The following IARS1 variants were observed in gnomAD, a reference collection of about 807,000 sequenced individuals.
The protein encoded by IARS1 is isoleucyl-tRNA synthetase 1.
Under a neutral mutation model 168.2 loss-of-function variants are expected in IARS1, and 124 were observed. The observed-to-expected ratio is 0.74, with a 90% CI of 0.64 to 0.86. The LOEUF is 0.86. Ranked by LOEUF, IARS1 falls within the 40% of genes least tolerant of loss-of-function variation. The probability of loss-of-function intolerance (pLI) is 0.00; values close to 1 mark genes in which losing one functional copy is unlikely to be tolerated. For synonymous variants in IARS1, 532 were observed against 529.4 expected (o/e 1.00, Z -0.07); for missense variants, 1,452 against 1,515.8 (o/e 0.96, Z 0.70).
intron 33 of IARS1, among the ~76,000 whole-genome samples, chr9:92,215,993 A>C (rs1587685308): frequency 6.6e-6 from 1 of 150,982 alleles, no homozygotes. Flanking sequence ...AGTTGAAATG[A>C]AGGAAAAAAT....
chr9:92,292,891 TACTGTATTAGTGGTTCC>T (rs1368563158), intron 1 of IARS1, among the ~76,000 whole-genome samples: 1 of 152,258 alleles, frequency 6.6e-6, no homozygotes, highest in African/African-American at 2.4e-5. Flanking sequence ...CCTTTTAAAC[TACTGTATTAGTGGTTCC>T]AATATTCTTC....
chr9:92,293,437 C>G (rs1298786452), intron 1 of IARS1, 174 bp downstream of exon 1: 1 of 532,610 alleles, frequency 1.9e-6, no homozygotes, highest in Non-Finnish European at 3.9e-6. Flanking sequence ...ATTTCAAACA[C>G]TACCTCATTC....
rs756248877 is a variant in IARS1 at position 92,243,203 on chromosome 9, C to T, written c.3000+13G>A. The T allele has an allele frequency of 6.2e-6, 10 of 1,604,586 alleles. No individual in the cohort carries two copies. In the East Asian group the frequency reaches 2.0e-4, roughly 32 times the overall value. On this transcript the variant is annotated intron_variant, in intron 28 of 33. Transcript: ENST00000443024. ...AGCCAAAACAGTAGCTTATTCTTAA[C>T]TGACAAACTAACCTTTTTGCGAAGT...
At chr9:92,270,048 G>A in intron 12 of IARS1, 65 bp from the exon 13 acceptor site, 1 of 927,480 alleles carries the variant, frequency 1.1e-6, no homozygotes, top group Non-Finnish European at 1.8e-6. Flanking sequence ...CGGTAAGACT[G>A]ACTTTTCATG....
At chr9:92,229,307 T>C (rs1444703403) in intron 30 of IARS1, among the ~76,000 whole-genome samples, 181 bp from the exon 31 acceptor site, 4 of 151,308 alleles carry the variant, frequency 2.6e-5, no homozygotes, top group African/African-American at 7.3e-5. Flanking sequence ...ATACCAAGGA[T>C]GGATATATAT....
intron 33 of IARS1, 42 bp downstream of exon 33, chr9:92,222,478 T>G: frequency 6.3e-7 from 1 of 1,589,384 alleles, no homozygotes; most frequent in Non-Finnish European, 8.6e-7. Context: ...CAAAATCTAC[T>G]TTCAACAAAA....
chr9:92,269,970 G>T lies in IARS1; in HGVS notation c.1219C>A (p.Leu407Ile). The change falls in exon 13 of 34, where the codon CTA becomes ATA. Residue 407 changes from leucine to isoleucine, a missense_variant. Transcript: ENST00000443024. ...CAGCTGGGCACTGCTTTGTAAATTA[G>T]AGGAGTGTCTGATCTGGGGAAGCAG... ...YPFCWRSDTP[L>I]IYKAVPSWFV... 6.2e-7 allele frequency: 1 copy of T among 1,612,672 alleles called. No individual in the cohort carries two copies. Among genetic ancestry groups the T allele is most frequent in the South Asian group, 1.1e-5 (1 of 91,030 alleles).
At chr9:92,219,217 C>T (rs891930653) in intron 33 of IARS1, among the ~76,000 whole-genome samples, 11 of 152,056 alleles carry the variant, frequency 7.2e-5, no homozygotes, top group Admixed American at 1.3e-4. Context: ...ACTGGCTAGC[C>T]GTATGTAGAA....
At chr9:92,235,508 C>T (rs1449284692) in intron 30 of IARS1, among the ~76,000 whole-genome samples, 3 of 146,410 alleles carry the variant, frequency 2.0e-5, no homozygotes, top group African/African-American at 7.6e-5. Context: ...ACGATAATTA[C>T]ATTGATTTTT....
At chr9:92,291,627 T>G (rs1324718495) in intron 1 of IARS1, among the ~76,000 whole-genome samples, 2 of 152,228 alleles carry the variant, frequency 1.3e-5, no homozygotes, top group East Asian at 3.9e-4. Context: ...TATTATAACC[T>G]CTAGCCTTTC....
intron 6 of IARS1, among the ~76,000 whole-genome samples, chr9:92,284,024 A>G (rs1234906827): frequency 6.6e-6 from 1 of 152,104 alleles, no homozygotes; most frequent in Non-Finnish European, 1.5e-5. Context: ...ATAGAAACAC[A>G]TAAATTAGCC....
At chr9:92,282,825 T>C (rs1257789482) in intron 6 of IARS1, among the ~76,000 whole-genome samples, 3 of 147,758 alleles carry the variant, frequency 2.0e-5, no homozygotes, top group Non-Finnish European at 4.4e-5. Flanking sequence ...TACTTACATA[T>C]ATACATACAC....
intron 6 of IARS1, among the ~76,000 whole-genome samples, chr9:92,282,334 A>G (rs1834712288): frequency 6.6e-6 from 1 of 151,420 alleles, no homozygotes; most frequent in Non-Finnish European, 1.5e-5. Flanking sequence ...ATGGAATCTC[A>G]CTCTGTCACC....
chr9:92,286,267 T>C, intron 5 of IARS1: 1 of 322,700 alleles, frequency 3.1e-6, no homozygotes. Context: ...CTTGGGAGGC[T>C]GAAGCAAGAG....
chr9:92,260,672 T>G (rs1831398674), intron 17 of IARS1, among the ~76,000 whole-genome samples: 1 of 151,902 alleles, frequency 6.6e-6, no homozygotes. Context: ...AAACAAACAG[T>G]GTTAAGGTAC....
intron 25 of IARS1, among the ~76,000 whole-genome samples, chr9:92,248,862 G>T (rs1031979969): frequency 6.6e-6 from 1 of 151,850 alleles, no homozygotes; most frequent in African/African-American, 2.4e-5. Context: ...AAAAATATTT[G>T]TTTTCTATCA....
chr9:92,273,341 T>A (rs1045844358), intron 10 of IARS1, among the ~76,000 whole-genome samples: 1 of 152,194 alleles, frequency 6.6e-6, no homozygotes, highest in African/African-American at 2.4e-5. Context: ...TATTAAGGAA[T>A]TGCTGACTTT....
At position 92,285,787 on chromosome 9, in the gene IARS1, C is replaced by CTT. The variant is rs1337421218; in HGVS notation, c.530_531dup (p.Val178LysfsTer32). 1 of 1,613,754 alleles carries CTT rather than the reference C, an allele frequency of 6.2e-7. No homozygotes were observed. Among genetic ancestry groups the CTT allele is most frequent in the Non-Finnish European group, 8.5e-7 (1 of 1,179,660 alleles). On this transcript the variant is annotated frameshift_variant, in exon 6 of 34. Transcript: ENST00000443024. LOFTEE classifies it high-confidence loss of function. ...TTACATGCCGTAGAGAAGGGCATGA[C>CTT]TTTCACACCTCTATAAACAAGGCCT... is the stretch of plus-strand genomic sequence containing the variant.
At chr9:92,254,439 C>T (rs1830441653) in intron 20 of IARS1, among the ~76,000 whole-genome samples, 2 of 152,192 alleles carry the variant, frequency 1.3e-5, no homozygotes, top group Non-Finnish European at 2.9e-5. Flanking sequence ...GTTAATGAGG[C>T]TTCTGGTCTA....
Sources: gnomAD v4.1 joint callset for allele counts (sites outside exome capture counted in the v4.1 genomes callset) on GRCh38, gnomAD v4.1.1 for gene constraint, MANE v1.5 for transcripts, NCBI Gene and HGNC (gene_info 2026-07-23, HGNC 2026-07-21) for gene names.